The following AFAP1 variants were observed in gnomAD, a reference collection of about 807,000 sequenced individuals.
AFAP1 encodes the protein actin filament associated protein 1, also known as actin filament-associated protein 1.
AFAP1 carries 75 observed loss-of-function variants against 93.9 expected under a neutral mutation model. The ratio of observed to expected loss-of-function variants is 0.80; its 90% CI spans 0.66 to 0.97. The LOEUF (loss-of-function observed/expected upper bound fraction) is 0.97. AFAP1 is among the 50% of genes least tolerant of loss of function. AFAP1 has a pLI of 0.00. For synonymous variants in AFAP1, 517 were observed against 430.7 expected (o/e 1.20, Z -2.48); for missense variants, 1,201 against 1,050.8 (o/e 1.14, Z -1.98).
chr4:7,782,158 C>G (rs936328076), intron 12 of AFAP1, among the ~76,000 whole-genome samples: 1 of 152,218 alleles, frequency 6.6e-6, no homozygotes, highest in African/African-American at 2.4e-5. Context: ...CTGACTTCGT[C>G]TCACAGTCAT....
chr4:7,792,576 T>C (rs1174524383), intron 11 of AFAP1, among the ~76,000 whole-genome samples: 4 of 152,146 alleles, frequency 2.6e-5, no homozygotes, highest in Admixed American at 2.6e-4. Flanking sequence ...AATAACTAGT[T>C]TGTCTGTTGC....
chr4:7,874,467 C>T (rs955690769), intron 1 of AFAP1, among the ~76,000 whole-genome samples: 2 of 147,836 alleles, frequency 1.4e-5, no homozygotes, highest in Admixed American at 1.4e-4. Context: ...GGGCTCACGC[C>T]ATTCTCCTGC....
At chr4:7,821,534 C>T (rs902371331) in intron 6 of AFAP1, among the ~76,000 whole-genome samples, 7 of 152,120 alleles carry the variant, frequency 4.6e-5, no homozygotes, top group Non-Finnish European at 7.4e-5. Flanking sequence ...ACTGTGATCA[C>T]GGGGGACGTG....
chr4:7,917,397 T>G (rs1458001877), intron 1 of AFAP1, among the ~76,000 whole-genome samples: 1 of 152,202 alleles, frequency 6.6e-6, no homozygotes, highest in East Asian at 1.9e-4. Context: ...TGGAAGGAAA[T>G]ACACCCAGTG....
At chr4:7,766,887 G>C (rs1442468052) in intron 17 of AFAP1, among the ~76,000 whole-genome samples, 3 of 150,612 alleles carry the variant, frequency 2.0e-5, no homozygotes, top group Non-Finnish European at 4.4e-5. Context: ...ACCCTCTCTT[G>C]CGCTCAATGC....
intron 6 of AFAP1, among the ~76,000 whole-genome samples, chr4:7,830,223 A>C (rs1721769802): frequency 6.6e-6 from 1 of 152,236 alleles, no homozygotes; most frequent in Admixed American, 6.5e-5. Flanking sequence ...CTGAAAGAAT[A>C]CATACAAAAT....
intron 1 of AFAP1, among the ~76,000 whole-genome samples, chr4:7,932,150 C>G (rs1210382481): frequency 1.3e-5 from 2 of 151,980 alleles, no homozygotes; most frequent in African/African-American, 4.8e-5. Context: ...AGCCACCACG[C>G]CTGGCCCTAG....
intron 3 of AFAP1, among the ~76,000 whole-genome samples, chr4:7,864,446 T>C (rs1268622366): frequency 2.6e-5 from 4 of 152,226 alleles, no homozygotes; most frequent in Admixed American, 2.0e-4. Flanking sequence ...GCAAACTTAA[T>C]GTACTTAGTG....
intron 1 of AFAP1, among the ~76,000 whole-genome samples, chr4:7,920,078 T>C (rs187671588): frequency 1.1e-4 from 17 of 152,346 alleles, no homozygotes; most frequent in Non-Finnish European, 1.9e-4. Context: ...TCTTTGCTAC[T>C]GTGAACAGTG....
chr4:7,770,441 AGT>A (rs1318367889), intron 16 of AFAP1, among the ~76,000 whole-genome samples: 2 of 152,196 alleles, frequency 1.3e-5, no homozygotes, highest in African/African-American at 4.8e-5. Flanking sequence ...ACATCCAGAA[AGT>A]GAAGCTGTAG....
At chr4:7,779,486 C>G (rs774869417) in intron 13 of AFAP1, among the ~76,000 whole-genome samples, 3 of 152,230 alleles carry the variant, frequency 2.0e-5, no homozygotes, top group Non-Finnish European at 1.5e-5. Flanking sequence ...GAGACTGATA[C>G]AGGCCAACAC....
At chr4:7,859,766 C>T (rs1715461487) in intron 3 of AFAP1, among the ~76,000 whole-genome samples, 1 of 152,094 alleles carries the variant, frequency 6.6e-6, no homozygotes, top group Non-Finnish European at 1.5e-5. Context: ...CGTGGGCTTA[C>T]AGTACTGGCC....
intron 1 of AFAP1, among the ~76,000 whole-genome samples, chr4:7,919,470 A>G (rs141180866): frequency 8.6e-4 from 131 of 152,256 alleles, no homozygotes; most frequent in African/African-American, 3.1e-3. Context: ...GTCCTACACA[A>G]ACGTTTAGTA....
chr4:7,815,293 G>A (rs556243460), intron 8 of AFAP1, among the ~76,000 whole-genome samples: 7 of 152,278 alleles, frequency 4.6e-5, no homozygotes, highest in East Asian at 3.9e-4. Flanking sequence ...ACAGAGCTTC[G>A]CTCTTGCAAC....
chr4:7,844,761 C>T (rs1713492186), intron 4 of AFAP1, among the ~76,000 whole-genome samples: 1 of 152,260 alleles, frequency 6.6e-6, no homozygotes, highest in Non-Finnish European at 1.5e-5. Flanking sequence ...CAGCGCCCGT[C>T]ATTCCTCTCA....
chr4:7,861,887 C>T (rs1577309271), intron 3 of AFAP1: 1 of 152,252 alleles, frequency 6.6e-6, no homozygotes, highest in Non-Finnish European at 1.5e-5. Flanking sequence ...TTAGCCCCAG[C>T]TCTACAACTG....
intron 1 of AFAP1, among the ~76,000 whole-genome samples, chr4:7,919,426 A>G (rs932387734): frequency 2.2e-4 from 34 of 152,208 alleles, no homozygotes; most frequent in African/African-American, 8.2e-4. Context: ...GTCATTTTAT[A>G]TGGCTGAATG....
chr4:7,853,970 C>T (rs943104417), intron 4 of AFAP1, among the ~76,000 whole-genome samples: 5 of 152,192 alleles, frequency 3.3e-5, no homozygotes, highest in African/African-American at 9.6e-5. Flanking sequence ...CGTGACCTGC[C>T]AGCTACGTGC....
At chr4:7,816,495 C>A (rs1720494410) in intron 7 of AFAP1, among the ~76,000 whole-genome samples, 1 of 152,180 alleles carries the variant, frequency 6.6e-6, no homozygotes, top group African/African-American at 2.4e-5. Context: ...TTCTTCCTGT[C>A]ATTCACCAAT....
Sources: allele counts gnomAD v4.1 joint callset (sites outside exome capture counted in the v4.1 genomes callset), GRCh38; gene constraint gnomAD v4.1.1; transcripts MANE v1.5; gene names NCBI Gene and HGNC (gene_info 2026-07-23, HGNC 2026-07-21).